The following ITCH variants were observed in gnomAD, a reference collection of about 807,000 sequenced individuals.
ITCH encodes itchy E3 ubiquitin protein ligase, also known as E3 ubiquitin-protein ligase Itchy homolog.
In ITCH, 28 loss-of-function variants were observed where a neutral mutation model predicts 126.8. The observed-to-expected ratio is 0.22, with a 90% CI of 0.16 to 0.30. ITCH has a LOEUF of 0.30. ITCH is among the 10% of genes least tolerant of loss of function. The pLI, the probability that ITCH is intolerant of heterozygous loss-of-function variation, is 1.00. For missense variants in ITCH, 631 were observed against 1,032.4 expected (o/e 0.61, Z 5.33); for synonymous variants, 342 against 340.0 (o/e 1.01, Z -0.06).
chr20:34,404,357 T>C (rs1027830021), intron 3 of ITCH, among the ~76,000 whole-genome samples: 5 of 151,944 alleles, frequency 3.3e-5, no homozygotes, highest in Non-Finnish European at 7.4e-5. Context: ...TAATTTCTCC[T>C]GTCCAGGTTT....
At chr20:34,446,376 G>A (rs1955054669) in intron 11 of ITCH, among the ~76,000 whole-genome samples, 1 of 152,020 alleles carries the variant, frequency 6.6e-6, no homozygotes, top group Admixed American at 6.6e-5. Context: ...TCCTAACTAG[G>A]CATAGTTTTA....
Position 34,440,329 on chromosome 20 carries a change from C to T in ITCH, c.854C>T (p.Ala285Val). 1 of 1,613,660 alleles carries T rather than the reference C, an allele frequency of 6.2e-7. No individual in the cohort carries two copies. Among genetic ancestry groups the T allele is most frequent in the Non-Finnish European group, 8.5e-7 (1 of 1,179,500 alleles). Residue 285 changes from alanine (A) to valine (V), a missense_variant, in exon 9 of 25, where the codon GCT becomes GTT. Ala to Val is a moderately conservative substitution (Grantham distance 64). This residue lies in a region of ITCH where 390 missense variants were observed against 731.6 expected (regional missense o/e 0.53). Transcript: ENST00000374864. ...AGGCCATTAAATCCTGTAACTCAAG[C>T]TCCCTTGCCACCTGGGTGAGTAACT... ...GPRPLNPVTQAPLPPGWEQRV... is the reference protein window; with the variant it reads ...GPRPLNPVTQVPLPPGWEQRV...
chr20:34,472,395 A>AAAAG (rs533208894), intron 16 of ITCH, among the ~76,000 whole-genome samples: 2 of 145,820 alleles, frequency 1.4e-5, no homozygotes, highest in African/African-American at 2.5e-5. Flanking sequence ...AAAAAAAAAA[A>AAAAG]AACTTGAGTT....
At chr20:34,382,784 C>G (rs542510809) in intron 2 of ITCH, among the ~76,000 whole-genome samples, 1 of 150,308 alleles carries the variant, frequency 6.7e-6, no homozygotes, top group South Asian at 2.1e-4. Context: ...TGCCTTGTAG[C>G]TCAGGCTGGA....
chr20:34,396,144 A>C (rs931609242), intron 3 of ITCH, among the ~76,000 whole-genome samples: 2 of 150,588 alleles, frequency 1.3e-5, no homozygotes, highest in Non-Finnish European at 3.0e-5. Flanking sequence ...AGTGATTCTC[A>C]TGCCTCAGTC....
chr20:34,402,664 A>G, intron 3 of ITCH: 7 of 558,448 alleles, frequency 1.3e-5, no homozygotes, highest in Non-Finnish European at 2.4e-5. Flanking sequence ...CAACAGCACC[A>G]TCACCCACAA....
At chr20:34,454,098 G>A (rs2146339021) in intron 12 of ITCH, among the ~76,000 whole-genome samples, 1 of 151,792 alleles carries the variant, frequency 6.6e-6, no homozygotes, top group South Asian at 2.1e-4. Context: ...TTGCTGTTAT[G>A]TTAACAAGAG....
rs1243745984 is a variant in ITCH at position 34,418,997 on chromosome 20, G to A, written c.475+5118G>A. The stretch of plus-strand genomic sequence containing the variant: ...GCTGGTCTCAAATTCCCAGCCTCAG[G>A]TGGTCCATGTGCCTTGGCCTCCCAA... On this transcript the variant is annotated intron_variant, in intron 6 of 24. Coordinates refer to ENST00000374864, the MANE Select transcript of ITCH (RefSeq NM_031483.7). 2.6e-5 allele frequency among the ~76,000 whole-genome samples: 4 copies of A among 152,106 alleles called. No individual in the cohort carries two copies. The South Asian group carries it at 6.2e-4, about 24-fold the overall frequency.
rs1983560118 is a variant in ITCH at position 34,440,195 on chromosome 20, T to G, written c.720T>G (p.Asp240Glu). Residue 240 changes from aspartate (D) to glutamate (E), a missense_variant, in exon 9 of 25, where the codon GAT (aspartate) becomes GAG (glutamate). Asp to Glu is a conservative substitution (Grantham distance 45). Coordinates refer to ENST00000374864, the MANE Select transcript of ITCH (RefSeq NM_031483.7). Reference sequence around the variant, plus strand: ...CACCATCTGCCACTTCTGAAAGTGATGGGTCTAGTACAGGCTCTCTGCCGC... The same window carrying G: ...CACCATCTGCCACTTCTGAAAGTGAGGGGTCTAGTACAGGCTCTCTGCCGC... The part of the protein sequence containing the change: ...NGSPSATSES[D>E]GSSTGSLPPT... The G allele has an allele frequency of 6.2e-7, 1 of 1,613,830 alleles. No homozygotes were observed. The highest frequency in any genetic ancestry group is 8.5e-7 in the Non-Finnish European group (1 of 1,179,718).
At chr20:34,372,785 T>C (rs893825692) in intron 2 of ITCH, among the ~76,000 whole-genome samples, 1 of 152,172 alleles carries the variant, frequency 6.6e-6, no homozygotes, top group South Asian at 2.1e-4. Flanking sequence ...GCTGCTATTG[T>C]GCTAGGTTCC....
intron 2 of ITCH, among the ~76,000 whole-genome samples, chr20:34,391,308 C>T (rs1414635987): frequency 6.6e-6 from 1 of 152,096 alleles, no homozygotes; most frequent in Non-Finnish European, 1.5e-5. Flanking sequence ...GGAATGTATA[C>T]TTTTTCTGCG....
intron 11 of ITCH, among the ~76,000 whole-genome samples, chr20:34,445,668 CTCT>C (rs1422150988): frequency 1.3e-5 from 2 of 152,058 alleles, no homozygotes; most frequent in African/African-American, 2.4e-5. Flanking sequence ...GTCCAACTTC[CTCT>C]TCTTTTTAAT....
rs1984913232 is a variant in ITCH, at chr20:34,449,439, G to A, written c.1169G>A (p.Ser390Asn). Reference sequence around the variant, plus strand: ...CAAGATTTATTTGCTACATCACAAAGTAAAGAATTTGATCCTCTTGGTCCA... The same window carrying A: ...CAAGATTTATTTGCTACATCACAAAATAAAGAATTTGATCCTCTTGGTCCA... The part of the protein sequence containing the change: ...GNQDLFATSQ[S>N]KEFDPLGPLP... Residue 390 changes from serine (S) to asparagine (N), a missense_variant, in exon 12 of 25, where the codon AGT becomes AAT. Transcript: ENST00000374864. The A allele has an allele frequency of 1.2e-6, 2 of 1,611,698 alleles. No homozygotes were observed. Among genetic ancestry groups the A allele is most frequent in the Middle Eastern group, 1.6e-4 (1 of 6,064 alleles).
intron 1 of ITCH, among the ~76,000 whole-genome samples, chr20:34,369,087 T>A (rs2037523910): frequency 6.6e-6 from 1 of 152,168 alleles, no homozygotes; most frequent in Non-Finnish European, 1.5e-5. Flanking sequence ...CCCAGCACTT[T>A]GGGAGGCTGA....
chr20:34,454,671 C>T (rs1238827894), intron 12 of ITCH: 2 of 152,000 alleles, frequency 1.3e-5, no homozygotes, highest in South Asian at 2.1e-4. Flanking sequence ...ATCACTACTA[C>T]TTGAAATCAT....
chr20:34,364,584 A>G (rs565986576), intron 1 of ITCH, among the ~76,000 whole-genome samples: 27 of 152,080 alleles, frequency 1.8e-4, no homozygotes, highest in African/African-American at 6.3e-4. Flanking sequence ...TATTTTTAAA[A>G]TTAAGAAATG....
chr20:34,495,374 A>G (rs952467678), intron 23 of ITCH, among the ~76,000 whole-genome samples: 1 of 151,270 alleles, frequency 6.6e-6, no homozygotes, highest in African/African-American at 2.4e-5. Context: ...GTATAGTGCT[A>G]TAGAACACTA....
intron 4 of ITCH, 80 bp downstream of exon 4, chr20:34,408,872 T>C: frequency 7.0e-7 from 1 of 1,435,276 alleles, no homozygotes; most frequent in Non-Finnish European, 9.6e-7. Flanking sequence ...TGTTTCTCAC[T>C]TTGGTTTTTT....
At chr20:34,463,073 C>T (rs911891769) in intron 14 of ITCH, among the ~76,000 whole-genome samples, 3 of 152,052 alleles carry the variant, frequency 2.0e-5, no homozygotes, top group African/African-American at 7.2e-5. Flanking sequence ...ATATAATTTT[C>T]TGCTTGAGGC....
Sources: allele counts gnomAD v4.1 joint callset (sites outside exome capture counted in the v4.1 genomes callset), GRCh38; gene constraint gnomAD v4.1.1; regional missense constraint gnomAD v4.1.1; transcripts MANE v1.5; gene names NCBI Gene and HGNC (gene_info 2026-07-23, HGNC 2026-07-21).